PDCD1LG2: variants seen among roughly 807,000 people sequenced by gnomAD.
PDCD1LG2 encodes the protein B7 dendritic cell molecule.
PDCD1LG2 carries 32 observed loss-of-function variants against 28.2 expected under a neutral mutation model. The ratio of observed to expected loss-of-function variants is 1.13; its 90% CI spans 0.86 to 1.52. The LOEUF is 1.52. Among genes scored for constraint, PDCD1LG2 ranks in the 40% most tolerant of loss-of-function variants. The pLI is 0.00. For synonymous variants in PDCD1LG2, 116 were observed against 120.2 expected (o/e 0.97, Z 0.23); for missense variants, 385 against 323.8 (o/e 1.19, Z -1.45).
chr9:5,547,211 A>G (rs1816229106), intron 3 of PDCD1LG2, among the ~76,000 whole-genome samples: 2 of 152,230 alleles, frequency 1.3e-5, no homozygotes, highest in African/African-American at 4.8e-5. Context: ...GTTTTTCACA[A>G]AGTTTGTACC....
At chr9:5,521,030 C>G (rs1820263366) in intron 1 of PDCD1LG2, among the ~76,000 whole-genome samples, 1 of 152,026 alleles carries the variant, frequency 6.6e-6, no homozygotes, top group South Asian at 2.1e-4. Context: ...ATTATTTAGT[C>G]ACAAAAAGGA....
rs2129791619 is a variant in PDCD1LG2 at position 5,534,729 on chromosome 9, C to T, written c.56-16C>T. On this transcript the variant is annotated splice_polypyrimidine_tract_variant and intron_variant, in intron 2 of 6. Coordinates refer to ENST00000397747, the MANE Select transcript of PDCD1LG2 (RefSeq NM_025239.4). ...GTAAAGGCAGACAATGACAAAATAT[C>T]TTGTTTTCTTTTCAGCTTTATTCAC... 1 of 1,574,256 alleles carries T rather than the reference C, an allele frequency of 6.4e-7. No individual in the cohort carries two copies. The highest frequency in any genetic ancestry group is 2.3e-5 in the East Asian group (1 of 44,338).
chr9:5,522,740 A>C, intron 2 of PDCD1LG2, 139 bp downstream of exon 2: 1 of 665,318 alleles, frequency 1.5e-6, no homozygotes. Flanking sequence ...TCCAAGCACC[A>C]CAAAAAAAAA....
chr9:5,527,530 A>G (rs905146067), intron 2 of PDCD1LG2, among the ~76,000 whole-genome samples: 2 of 152,234 alleles, frequency 1.3e-5, no homozygotes, highest in Admixed American at 1.3e-4. Context: ...GTGTATGTAT[A>G]CTATATTTTG....
chr9:5,557,782 T>C (rs1324415468), intron 5 of PDCD1LG2, 30 bp downstream of exon 5: 1 of 1,612,256 alleles, frequency 6.2e-7, no homozygotes, highest in East Asian at 2.2e-5. Context: ...GGTAACCCAA[T>C]GCACTGGGTG....
chr9:5,557,351 T>C (rs547408822), intron 4 of PDCD1LG2, among the ~76,000 whole-genome samples: 1 of 152,362 alleles, frequency 6.6e-6, no homozygotes, highest in African/African-American at 2.4e-5. Flanking sequence ...CTGGGTCACT[T>C]ACTATGTAAC....
At chr9:5,550,134 C>T (rs1366214645) in intron 4 of PDCD1LG2, among the ~76,000 whole-genome samples, 1 of 152,200 alleles carries the variant, frequency 6.6e-6, no homozygotes, top group East Asian at 1.9e-4. Context: ...TGCACAGTGT[C>T]ATGAGCCAGC....
At chr9:5,529,427 T>C (rs924552294) in intron 2 of PDCD1LG2, among the ~76,000 whole-genome samples, 1 of 152,202 alleles carries the variant, frequency 6.6e-6, no homozygotes. Context: ...CCCCATTCAA[T>C]AGCCTTTGAA....
chr9:5,519,797 C>T (rs572800166), intron 1 of PDCD1LG2, among the ~76,000 whole-genome samples: 1 of 152,320 alleles, frequency 6.6e-6, no homozygotes, highest in African/African-American at 2.4e-5. Context: ...CAGCCTTCTC[C>T]ATTTTAATAA....
chr9:5,532,006 T>A (rs1387104718), intron 2 of PDCD1LG2, among the ~76,000 whole-genome samples: 1 of 152,212 alleles, frequency 6.6e-6, no homozygotes, highest in Non-Finnish European at 1.5e-5. Flanking sequence ...CTCAAGTATT[T>A]AAGGACGGCT....
chr9:5,511,001 A>G (rs1252846672), intron 1 of PDCD1LG2, among the ~76,000 whole-genome samples, 198 bp downstream of exon 1: 1 of 152,206 alleles, frequency 6.6e-6, no homozygotes. Context: ...GTTCCTATGC[A>G]TATTGTTCTT....
At chr9:5,523,511 C>T (rs1277425486) in intron 2 of PDCD1LG2, among the ~76,000 whole-genome samples, 2 of 152,218 alleles carry the variant, frequency 1.3e-5, no homozygotes, top group African/African-American at 2.4e-5. Context: ...CTCTCACTCA[C>T]TTGAGCTGCC....
At chr9:5,545,910 T>TGACTTGA (rs1816195801) in intron 3 of PDCD1LG2, among the ~76,000 whole-genome samples, 1 of 152,210 alleles carries the variant, frequency 6.6e-6, no homozygotes, top group Non-Finnish European at 1.5e-5. Context: ...ATAAGTCAGA[T>TGACTTGA]GACTTGAATT....
intron 1 of PDCD1LG2, among the ~76,000 whole-genome samples, chr9:5,516,249 C>T (rs1157113357): frequency 6.6e-6 from 1 of 152,136 alleles, no homozygotes; most frequent in Non-Finnish European, 1.5e-5. Context: ...GACGGGGTTT[C>T]GCCATGTTGG....
rs750257295 is a variant in PDCD1LG2 at position 5,569,577 on chromosome 9, A to G, written c.817-377A>G. On this transcript the variant is annotated intron_variant, in intron 6 of 6. Coordinates refer to ENST00000397747, the MANE Select transcript of PDCD1LG2 (RefSeq NM_025239.4). This position sits in a 1 kb window ranked among gnomAD's most constrained non-coding sequence, Gnocchi z 4.1. ...GCAGTCTGCAATGTCATCATCCTGG[A>G]GCATGAATAGAGTGCAGCAGGGTGA... Among the ~76,000 whole-genome samples, 41 of 152,224 alleles carry G rather than the reference A, an allele frequency of 2.7e-4. No individual in the cohort carries two copies. Among genetic ancestry groups the G allele is most frequent in the Non-Finnish European group, 5.1e-4 (35 of 68,040 alleles).
At chr9:5,519,257 A>T (rs72705457) in intron 1 of PDCD1LG2, among the ~76,000 whole-genome samples, 1 of 152,134 alleles carries the variant, frequency 6.6e-6, no homozygotes, top group Non-Finnish European at 1.5e-5. Context: ...GCAGTTGCAT[A>T]GTGTTGGGAA....
intron 1 of PDCD1LG2, among the ~76,000 whole-genome samples, chr9:5,519,208 G>T (rs996319176): frequency 2.0e-5 from 3 of 152,212 alleles, no homozygotes; most frequent in Admixed American, 6.5e-5. Context: ...CATAGGGGCT[G>T]TCCCTAGTCT....
At chr9:5,520,465 T>C (rs1185669837) in intron 1 of PDCD1LG2, among the ~76,000 whole-genome samples, 2 of 152,196 alleles carry the variant, frequency 1.3e-5, no homozygotes, top group East Asian at 3.8e-4. Context: ...GTATATGGTA[T>C]GAGGTAAGGC....
intron 2 of PDCD1LG2, among the ~76,000 whole-genome samples, chr9:5,523,412 T>C (rs1285946820): frequency 6.6e-6 from 1 of 152,166 alleles, no homozygotes; most frequent in East Asian, 1.9e-4. Context: ...GATTGAGAAA[T>C]AATGGCTCCC....
Sources: allele counts gnomAD v4.1 joint callset (sites outside exome capture counted in the v4.1 genomes callset), GRCh38; gene constraint gnomAD v4.1.1; non-coding constraint Gnocchi (gnomAD v3.1); transcripts MANE v1.5; gene names NCBI Gene and HGNC (gene_info 2026-07-23, HGNC 2026-07-21).